Variants in CNTNAP2 observed in about 807,000 individuals in gnomAD.
CNTNAP2 encodes the protein contactin associated protein 2.
Under a neutral mutation model 155.2 loss-of-function variants are expected in CNTNAP2, and 98 were observed. The ratio of observed to expected loss-of-function variants is 0.63; its 90% CI spans 0.54 to 0.75. CNTNAP2 has a LOEUF of 0.75. CNTNAP2 is among the 30% of genes least tolerant of loss of function. The probability of loss-of-function intolerance (pLI) is 0.00; values close to 1 mark genes in which losing one functional copy is unlikely to be tolerated. For missense variants in CNTNAP2, 1,727 were observed against 1,688.1 expected (o/e 1.02, Z -0.40); for synonymous variants, 651 against 631.2 (o/e 1.03, Z -0.47).
chr7:146,618,688 CTTGTT>C (rs1170515057), intron 1 of CNTNAP2, among the ~76,000 whole-genome samples: 2 of 152,136 alleles, frequency 1.3e-5, no homozygotes, highest in African/African-American at 2.4e-5. Flanking sequence ...TGACTTTAAT[CTTGTT>C]TTGTTGAAAA....
At chr7:146,953,725 G>A (rs1797371451) in intron 3 of CNTNAP2, among the ~76,000 whole-genome samples, 1 of 151,822 alleles carries the variant, frequency 6.6e-6, no homozygotes, top group South Asian at 2.1e-4. Flanking sequence ...CCCATTTCTA[G>A]TAGAGTACCT....
chr7:147,379,839 T>G (rs1011494405), intron 9 of CNTNAP2, among the ~76,000 whole-genome samples: 2 of 152,054 alleles, frequency 1.3e-5, no homozygotes, highest in Non-Finnish European at 2.9e-5. Context: ...AATCCAAAAT[T>G]CTGCATTGTA....
chr7:146,263,153 C>G (rs1194513243), intron 1 of CNTNAP2, among the ~76,000 whole-genome samples: 1 of 152,002 alleles, frequency 6.6e-6, no homozygotes, highest in African/African-American at 2.4e-5. Flanking sequence ...CCTGTCTCTA[C>G]CAAAGATACA....
chr7:148,075,828 C>A (rs1803473479), intron 15 of CNTNAP2, among the ~76,000 whole-genome samples: 1 of 152,142 alleles, frequency 6.6e-6, no homozygotes, highest in Non-Finnish European at 1.5e-5. Flanking sequence ...GGAAAGCAAC[C>A]ACATAGTACC....
chr7:147,792,934 T>C (rs1797841277), intron 13 of CNTNAP2, among the ~76,000 whole-genome samples: 1 of 152,218 alleles, frequency 6.6e-6, no homozygotes, highest in African/African-American at 2.4e-5. Flanking sequence ...TTGATGTTAA[T>C]TTCCCTGATG....
At chr7:146,753,449 G>C (rs1264890630) in intron 1 of CNTNAP2, among the ~76,000 whole-genome samples, 2 of 151,784 alleles carry the variant, frequency 1.3e-5, no homozygotes, top group African/African-American at 2.4e-5. Context: ...TTGCATTATA[G>C]AATTTAACCA....
chr7:148,328,697 C>T lies in CNTNAP2; in HGVS notation c.3476-54952C>T, dbSNP rs534356262. On this transcript the variant is annotated intron_variant, in intron 21 of 23. Transcript: ENST00000361727. The stretch of plus-strand genomic sequence containing the variant: ...TAGAAAGACCCAAACAAGCTGGGCG[C>T]GGTGGCTCACACCTGTAATCCCAGC... 2.6e-5 allele frequency among the ~76,000 whole-genome samples: 4 copies of T among 152,068 alleles called. No individual in the cohort carries two copies. The East Asian group carries it at 5.8e-4, about 22-fold the overall frequency.
At chr7:147,387,109 C>A (rs962060103) in intron 9 of CNTNAP2, among the ~76,000 whole-genome samples, 24 of 152,124 alleles carry the variant, frequency 1.6e-4, no homozygotes, top group African/African-American at 5.6e-4. Flanking sequence ...GACTCAATTA[C>A]CTCCCACTCG....
At position 146,774,319 on chromosome 7, in the gene CNTNAP2, G is replaced by A; in HGVS notation, c.146G>A (p.Ser49Asn). The change falls in exon 2 of 24, where the codon AGC (serine) becomes AAC (asparagine). Residue 49 changes from serine to asparagine, a missense_variant. Ser to Asn is a conservative substitution (Grantham distance 46). Coordinates refer to ENST00000361727, the MANE Select transcript of CNTNAP2 (RefSeq NM_014141.6). ...TCTGGACTCCCCCATGTGGCTTTCA[G>A]CAGCTCCTCCTCCATCTCTGGTAGC... ...LVSGLPHVAF[S>N]SSSSISGSYS... The A allele has an allele frequency of 6.2e-7, 1 of 1,613,974 alleles. No individual in the cohort carries two copies.
At chr7:147,717,455 A>G (rs1165167317) in intron 13 of CNTNAP2, among the ~76,000 whole-genome samples, 1 of 152,126 alleles carries the variant, frequency 6.6e-6, no homozygotes, top group African/African-American at 2.4e-5. Context: ...ATCCCATTTC[A>G]TGGAAATGGG....
At chr7:148,237,587 C>CAG (rs1796064839) in intron 20 of CNTNAP2, among the ~76,000 whole-genome samples, 1 of 152,174 alleles carries the variant, frequency 6.6e-6, no homozygotes, top group African/African-American at 2.4e-5. Context: ...GGAGAAGACT[C>CAG]AGTAAAAAGT....
intron 3 of CNTNAP2, among the ~76,000 whole-genome samples, chr7:147,034,698 G>A (rs1799113545): frequency 6.6e-6 from 1 of 152,144 alleles, no homozygotes; most frequent in African/African-American, 2.4e-5. Context: ...GGATGGGGAG[G>A]TCAGAAGGGG....
At chr7:146,876,976 A>C (rs1201862997) in intron 3 of CNTNAP2, among the ~76,000 whole-genome samples, 1 of 152,066 alleles carries the variant, frequency 6.6e-6, no homozygotes, top group Non-Finnish European at 1.5e-5. Context: ...TATATTTGTA[A>C]CTTTTTACTT....
At chr7:148,149,152 G>A (rs1028600936) in intron 17 of CNTNAP2, among the ~76,000 whole-genome samples, 6 of 151,986 alleles carry the variant, frequency 3.9e-5, no homozygotes, top group Non-Finnish European at 5.9e-5. Flanking sequence ...TCAACTTCTC[G>A]TTTTTTTGAC....
Position 146,657,799 on chromosome 7 carries a change from A to G in CNTNAP2, c.98-116472A>G, listed in dbSNP as rs948963867. Among the ~76,000 whole-genome samples, 6 of 152,144 alleles carry G rather than the reference A, an allele frequency of 3.9e-5. 1 individual carries two copies. In the South Asian group the frequency reaches 1.2e-3, roughly 32 times the overall value. On this transcript the variant is annotated intron_variant, in intron 1 of 23. Transcript: ENST00000361727. ...AAAGAGTCTAATTTTAAAAGCAAAG[A>G]TTTGTCAAAGAAACCTTTTAGAATG...
chr7:148,080,454 A>G (rs573664413), intron 15 of CNTNAP2, among the ~76,000 whole-genome samples: 32 of 151,914 alleles, frequency 2.1e-4, no homozygotes, highest in African/African-American at 7.5e-4. Context: ...AAATACAACA[A>G]AATTAGCCTG....
intron 15 of CNTNAP2, among the ~76,000 whole-genome samples, chr7:148,099,453 G>GTGTGTA (rs1804049896): frequency 6.8e-6 from 1 of 147,000 alleles, no homozygotes; most frequent in Admixed American, 6.8e-5. Flanking sequence ...GTGTGTGTGT[G>GTGTGTA]TGTGTGTTGG....
chr7:146,254,908 TACAG>T (rs1211770722), intron 1 of CNTNAP2, among the ~76,000 whole-genome samples: 1 of 151,840 alleles, frequency 6.6e-6, no homozygotes, highest in Admixed American at 6.6e-5. Context: ...AGAGAAACAT[TACAG>T]ACAACTTAAA....
intron 9 of CNTNAP2, chr7:147,378,022 A>T (rs1257488799): frequency 4.3e-6 from 2 of 468,072 alleles, no homozygotes; most frequent in East Asian, 1.4e-4. Flanking sequence ...CTCCTCTGAA[A>T]TTCTATTAAT....
Sources: allele counts gnomAD v4.1 joint callset (sites outside exome capture counted in the v4.1 genomes callset), GRCh38; gene constraint gnomAD v4.1.1; transcripts MANE v1.5; gene names NCBI Gene and HGNC (gene_info 2026-07-23, HGNC 2026-07-21).